FLT1: variants seen among roughly 807,000 people sequenced by gnomAD.
The protein encoded by FLT1 is fms related receptor tyrosine kinase 1.
In FLT1, 49 loss-of-function variants were observed where a neutral mutation model predicts 156.3. The observed-to-expected ratio is 0.31, with a 90% CI of 0.25 to 0.40. The LOEUF (loss-of-function observed/expected upper bound fraction) is 0.40, where lower values mean the gene tolerates loss of function less well. Among genes scored for constraint, FLT1 ranks in the 10% least tolerant of loss-of-function variants. The pLI is 1.00. For synonymous variants in FLT1, 594 were observed against 583.8 expected, an observed-to-expected ratio of 1.02 and a Z score of -0.25; for missense variants, 1,322 against 1,637.2, an observed-to-expected ratio of 0.81 and a Z score of 3.32.
chr13:28,329,235 T>G (rs1227255679), intron 19 of FLT1, among the ~76,000 whole-genome samples: 1 of 152,210 alleles, frequency 6.6e-6, no homozygotes, highest in Non-Finnish European at 1.5e-5. Flanking sequence ...CACCTCCTCC[T>G]GGGACCCTAC....
chr13:28,375,853 A>G (rs995881133), intron 14 of FLT1, among the ~76,000 whole-genome samples: 1 of 152,242 alleles, frequency 6.6e-6, no homozygotes, highest in African/African-American at 2.4e-5. Context: ...CTGCAATAAT[A>G]GTTCTTCATT....
At chr13:28,386,141 G>C in intron 13 of FLT1, 1 of 1,053,236 alleles carries the variant, frequency 9.5e-7, no homozygotes, top group East Asian at 5.3e-5. Context: ...TACTAAAACT[G>C]TGAAGGCAGC....
Position 28,339,357 on chromosome 13 carries a change from G to A in FLT1, c.2356-57C>T, listed in dbSNP as rs1047967098. 5.1e-6 allele frequency: 8 copies of A among 1,583,026 alleles called. No homozygotes were observed. The African/African-American group carries it at 1.1e-4, about 21-fold the overall frequency. On this transcript the variant is annotated intron_variant, in intron 16 of 29. Transcript: ENST00000282397. ...GAAGAAAACAACTTTACAAATCCTA[G>A]ATATTCCGTTAACATCCACTGTTTT...
intron 15 of FLT1, among the ~76,000 whole-genome samples, chr13:28,346,555 TAAA>T (rs57802783): frequency 4.3e-5 from 6 of 139,180 alleles, no homozygotes; most frequent in African/African-American, 1.1e-4. Flanking sequence ...TGCCTTCTCT[TAAA>T]AAAAAAAAAA....
intron 10 of FLT1, among the ~76,000 whole-genome samples, chr13:28,419,694 A>G (rs754256022): frequency 1.3e-5 from 2 of 152,224 alleles, no homozygotes; most frequent in South Asian, 2.1e-4. Context: ...TCTCGCTAAC[A>G]TGGCGAAACC....
chr13:28,345,264 C>G (rs1336499609), intron 16 of FLT1, among the ~76,000 whole-genome samples, 181 bp downstream of exon 16: 3 of 152,076 alleles, frequency 2.0e-5, no homozygotes, highest in Non-Finnish European at 4.4e-5. Flanking sequence ...TTGAACACCC[C>G]CCCTTGTGGC....
At chr13:28,316,106 T>G (rs78680301) in intron 25 of FLT1, among the ~76,000 whole-genome samples, 3,106 of 152,306 alleles carry the variant, frequency 0.02, 91 homozygotes, top group African/African-American at 0.071. Flanking sequence ...ACTTTTCTGA[T>G]GAGGACACCA....
intron 6 of FLT1, 37 bp downstream of exon 6, chr13:28,433,782 C>T (rs767001642): frequency 1.2e-6 from 2 of 1,603,028 alleles, no homozygotes; most frequent in East Asian, 2.2e-5. Flanking sequence ...GCTTAAAATA[C>T]TGTCCTGCAG....
chr13:28,353,256 G>T (rs1219377268), intron 15 of FLT1, among the ~76,000 whole-genome samples: 3 of 152,138 alleles, frequency 2.0e-5, no homozygotes, highest in African/African-American at 7.2e-5. Context: ...CTGAAATATA[G>T]TAAGGCCTAA....
chr13:28,387,259 T>C, intron 13 of FLT1: 2 of 1,040,702 alleles, frequency 1.9e-6, no homozygotes, highest in Non-Finnish European at 2.3e-6. Context: ...TTTGTACCCA[T>C]TTCTGAAAAA....
At chr13:28,364,416 T>C (rs546570081) in intron 14 of FLT1, among the ~76,000 whole-genome samples, 1 of 152,192 alleles carries the variant, frequency 6.6e-6, no homozygotes, top group African/African-American at 2.4e-5. Flanking sequence ...TTTTTTAACA[T>C]AATCAAATTT....
At chr13:28,472,780 C>CA (rs1270404025) in intron 1 of FLT1, among the ~76,000 whole-genome samples, 3 of 152,182 alleles carry the variant, frequency 2.0e-5, no homozygotes, top group Non-Finnish European at 4.4e-5. Context: ...CTTCATCTGT[C>CA]AACACAGGAG....
chr13:28,306,855 A>C, intron 28 of FLT1, 83 bp from the exon 29 acceptor site: 1 of 874,042 alleles, frequency 1.1e-6, no homozygotes. Flanking sequence ...CCTGGGATAC[A>C]TCTGTTGATC....
At chr13:28,387,742 T>TCATACCCCAGGGTAA in intron 13 of FLT1, 1 of 1,035,320 alleles carries the variant, frequency 9.7e-7, no homozygotes, top group Non-Finnish European at 1.2e-6. Context: ...TCACCTCCCT[T>TCATACCCCAGGGTAA]CATACCCCAG....
chr13:28,323,729 C>T (rs1309555592), intron 20 of FLT1, among the ~76,000 whole-genome samples: 1 of 151,674 alleles, frequency 6.6e-6, no homozygotes, highest in African/African-American at 2.4e-5. Context: ...CTTTTCCATG[C>T]CACACGCCAT....
At chr13:28,398,585 T>C (rs1490023791) in intron 11 of FLT1, among the ~76,000 whole-genome samples, 1 of 152,248 alleles carries the variant, frequency 6.6e-6, no homozygotes, top group East Asian at 1.9e-4. Flanking sequence ...CAATTTTCAC[T>C]GTGGTATAGT....
Position 28,494,874 on chromosome 13 carries a change from G to T in FLT1, c.-31C>A. The T allele has an allele frequency of 6.6e-7, 1 of 1,510,252 alleles. No homozygotes were observed. Among genetic ancestry groups the T allele is most frequent in the Non-Finnish European group, 8.8e-7 (1 of 1,132,460 alleles). The allele number at this position is 1,510,252 out of a possible 1,614,324, so 93.6% of individuals were successfully genotyped here. ...GCGCGACGCGGCCTGCTCGCCCGGT[G>T]CCCGCGCTCCCCGCGGCCAACGACC... On this transcript the variant is annotated 5_prime_UTR_variant, in exon 1 of 30. Coordinates refer to ENST00000282397, the MANE Select transcript of FLT1 (RefSeq NM_002019.4).
chr13:28,489,938 A>G (rs1386582881), intron 1 of FLT1, among the ~76,000 whole-genome samples: 2 of 152,244 alleles, frequency 1.3e-5, no homozygotes, highest in East Asian at 3.9e-4. Context: ...ATAGAAGAAA[A>G]CTTCATATTA....
At chr13:28,449,586 C>T (rs1400596189) in intron 3 of FLT1, among the ~76,000 whole-genome samples, 1 of 152,182 alleles carries the variant, frequency 6.6e-6, no homozygotes, top group African/African-American at 2.4e-5. Context: ...AAATCAGTTG[C>T]TAGTTTCTGC....
Sources: gnomAD v4.1 joint callset for allele counts (sites outside exome capture counted in the v4.1 genomes callset) on GRCh38, gnomAD v4.1.1 for gene constraint, MANE v1.5 for transcripts, NCBI Gene and HGNC (gene_info 2026-07-23, HGNC 2026-07-21) for gene names.